The following CNOT6L variants were observed in gnomAD, a reference collection of about 807,000 sequenced individuals.
The protein encoded by CNOT6L is CCR4-NOT transcription complex subunit 6 like, also known as CCR4-NOT transcription complex subunit 6-like.
CNOT6L carries 7 observed loss-of-function variants against 64.0 expected under a neutral mutation model. That is an observed-to-expected ratio of 0.11 (90% CI 0.06 to 0.21). CNOT6L has a LOEUF of 0.21. Among genes scored for constraint, CNOT6L ranks in the 10% least tolerant of loss-of-function variants. The pLI is 1.00. For synonymous variants in CNOT6L, 193 were observed against 243.4 expected, an observed-to-expected ratio of 0.79 and a Z score of 1.93; for missense variants, 245 against 669.0, an observed-to-expected ratio of 0.37 and a Z score of 6.99.
intron 5 of CNOT6L, among the ~76,000 whole-genome samples, chr4:77,754,071 A>G (rs1485820954): frequency 1.3e-5 from 2 of 152,174 alleles, no homozygotes; most frequent in African/African-American, 4.8e-5. Flanking sequence ...GTGCAGTAAG[A>G]GCAGGTTGGC....
chr4:77,792,750 G>C (rs1440396020), intron 1 of CNOT6L, among the ~76,000 whole-genome samples: 1 of 134,904 alleles, frequency 7.4e-6, no homozygotes, highest in Non-Finnish European at 1.6e-5. Flanking sequence ...AAAAAGACAA[G>C]TCTAGAAAGT....
At chr4:77,735,713 CT>C (rs1363156625) in intron 8 of CNOT6L, among the ~76,000 whole-genome samples, 1 of 152,150 alleles carries the variant, frequency 6.6e-6, no homozygotes, top group Non-Finnish European at 1.5e-5. Context: ...TTGTATAGAG[CT>C]GTTTTTTGTT....
intron 1 of CNOT6L, among the ~76,000 whole-genome samples, chr4:77,786,496 C>T (rs1042533036): frequency 1.1e-4 from 16 of 151,986 alleles, no homozygotes; most frequent in African/African-American, 3.9e-4. Flanking sequence ...TTTTTTGAGA[C>T]AGGGTCTTAC....
At position 77,753,917 on chromosome 4, in the gene CNOT6L, AAAC is replaced by A. The variant is rs1371718015; in HGVS notation, c.490+2942_490+2944del. On this transcript the variant is annotated intron_variant, in intron 5 of 11. Transcript: ENST00000504123. ...TACTCATGTTAAAAAAAAAAAAAAA[AAAC>A]TTGCCTAGCAAACCAGGAATAGAAA... Among the ~76,000 whole-genome samples, 224 of 151,560 alleles carry A rather than the reference AAAC, an allele frequency of 1.5e-3. 1 individual carries two copies. The highest frequency in any genetic ancestry group is 4.8e-3 in the African/African-American group (199 of 41,482).
chr4:77,804,171 T>C (rs1731949256), intron 1 of CNOT6L, among the ~76,000 whole-genome samples: 1 of 152,164 alleles, frequency 6.6e-6, no homozygotes, highest in Non-Finnish European at 1.5e-5. Flanking sequence ...TTCATGCCTG[T>C]AATCCCAGCA....
In CNOT6L at chr4:77,715,460, TGAACGAA is replaced by T. The variant is rs1196818758; in HGVS notation, c.*4964_*4970del. On this transcript the variant is annotated 3_prime_UTR_variant, in exon 12 of 12. Coordinates refer to ENST00000504123, the MANE Select transcript of CNOT6L (RefSeq NM_144571.3). Reference sequence around the variant, plus strand: ...TCTATTACTTCAATGTCATGTCTGTTGAACGAAGAACTCAACATGCTTATTTTCCTTT... The same window carrying T: ...TCTATTACTTCAATGTCATGTCTGTTGAACTCAACATGCTTATTTTCCTTT... 6 of 152,266 alleles carry T rather than the reference TGAACGAA, an allele frequency of 3.9e-5. No homozygotes were observed. The highest frequency in any genetic ancestry group is 3.9e-4 in the Admixed American group (6 of 15,262). The allele number at this position is 152,266 out of a possible 1,614,324, so 9.4% of individuals were successfully genotyped here.
intron 4 of CNOT6L, among the ~76,000 whole-genome samples, chr4:77,765,135 A>G (rs1409822349): frequency 5.9e-5 from 9 of 152,188 alleles, no homozygotes; most frequent in Admixed American, 2.6e-4. Flanking sequence ...GTGACCTCCA[A>G]TCGTCCTCAC....
chr4:77,770,793 G>A (rs1040550996), intron 4 of CNOT6L, among the ~76,000 whole-genome samples: 2 of 152,146 alleles, frequency 1.3e-5, no homozygotes, highest in Non-Finnish European at 2.9e-5. Flanking sequence ...CACTAGAATC[G>A]AAGGCCAGCC....
intron 1 of CNOT6L, among the ~76,000 whole-genome samples, chr4:77,800,414 G>T: frequency 6.6e-6 from 1 of 151,738 alleles, no homozygotes. Flanking sequence ...TTCTTGGGAG[G>T]CTTAGATAGG....
At chr4:77,748,287 A>C in intron 6 of CNOT6L, 29 bp downstream of exon 6, 1 of 1,445,064 alleles carries the variant, frequency 6.9e-7, no homozygotes, top group Non-Finnish European at 9.7e-7. Context: ...ATTTCTGAAA[A>C]AAAAGGAAGA....
intron 8 of CNOT6L, among the ~76,000 whole-genome samples, chr4:77,733,690 G>A (rs1228813405): frequency 6.6e-6 from 1 of 151,892 alleles, no homozygotes; most frequent in Non-Finnish European, 1.5e-5. Context: ...GGGGAGCATA[G>A]GACTCTAATT....
chr4:77,765,982 G>A (rs1428982899), intron 4 of CNOT6L, among the ~76,000 whole-genome samples: 2 of 152,180 alleles, frequency 1.3e-5, no homozygotes, highest in African/African-American at 4.8e-5. Context: ...TGTAGCTTGA[G>A]TAATAATGTT....
At chr4:77,788,568 A>G (rs542644525) in intron 1 of CNOT6L, among the ~76,000 whole-genome samples, 233 of 152,178 alleles carry the variant, frequency 1.5e-3, no homozygotes, top group African/African-American at 5.4e-3. Context: ...TCTCCACTAA[A>G]ATACAAAAAA....
chr4:77,776,684 T>C (rs887229384), intron 1 of CNOT6L, among the ~76,000 whole-genome samples: 2 of 152,244 alleles, frequency 1.3e-5, no homozygotes, highest in Non-Finnish European at 2.9e-5. Context: ...TTAGCTGCAC[T>C]GCTTTCCCAC....
At chr4:77,767,803 A>C (rs886079518) in intron 4 of CNOT6L, among the ~76,000 whole-genome samples, 1 of 151,856 alleles carries the variant, frequency 6.6e-6, no homozygotes, top group African/African-American at 2.4e-5. Flanking sequence ...AGATGGTGAA[A>C]ACCCGTCTCT....
At chr4:77,743,067 A>T (rs1268030637) in intron 7 of CNOT6L, among the ~76,000 whole-genome samples, 3 of 152,306 alleles carry the variant, frequency 2.0e-5, no homozygotes, top group Middle Eastern at 3.4e-3. Flanking sequence ...TAAGTACAAT[A>T]AATAAGAATC....
At chr4:77,776,496 G>A (rs1226359671) in intron 1 of CNOT6L, 104 bp from the exon 2 acceptor site, 7 of 755,096 alleles carry the variant, frequency 9.3e-6, no homozygotes, top group African/African-American at 7.2e-5. Flanking sequence ...TACCAGTCTA[G>A]TAAGTCATTT....
chr4:77,809,323 A>T (rs1051513718), intron 1 of CNOT6L, among the ~76,000 whole-genome samples: 1 of 152,218 alleles, frequency 6.6e-6, no homozygotes, highest in Non-Finnish European at 1.5e-5. Context: ...AGTCAAAAAA[A>T]TATTAGCTCC....
intron 9 of CNOT6L, 61 bp downstream of exon 9, chr4:77,731,326 T>G: frequency 8.7e-5 from 131 of 1,513,666 alleles, no homozygotes; most frequent in Non-Finnish European, 1.1e-4. Context: ...TCACTTGTTT[T>G]GAGATGGAAA....
Sources: gnomAD v4.1 joint callset for allele counts (sites outside exome capture counted in the v4.1 genomes callset) on GRCh38, gnomAD v4.1.1 for gene constraint, MANE v1.5 for transcripts, NCBI Gene and HGNC (gene_info 2026-07-23, HGNC 2026-07-21) for gene names.